Variants in TMEM178B observed in about 807,000 individuals in gnomAD.
The protein encoded by TMEM178B is transmembrane protein 178B.
TMEM178B carries 5 observed loss-of-function variants against 31.0 expected under a neutral mutation model. That is an observed-to-expected ratio of 0.16 (90% confidence interval 0.08 to 0.34). The LOEUF (loss-of-function observed/expected upper bound fraction) is 0.34, where lower values mean the gene tolerates loss of function less well. Among genes scored for constraint, TMEM178B ranks in the 10% least tolerant of loss-of-function variants. TMEM178B has a pLI of 1.00. For missense variants in TMEM178B, 275 were observed against 400.3 expected (o/e 0.69, Z 2.67); for synonymous variants, 164 against 164.0 (o/e 1.00, Z 0.00).
chr7:141,287,421 T>A (rs1282762146), intron 2 of TMEM178B, among the ~76,000 whole-genome samples: 1 of 152,200 alleles, frequency 6.6e-6, no homozygotes. Context: ...GTCCCTTTAA[T>A]CAACCCTCAA....
chr7:141,267,408 A>C (rs559164080), intron 2 of TMEM178B, among the ~76,000 whole-genome samples: 5 of 152,312 alleles, frequency 3.3e-5, no homozygotes, highest in African/African-American at 1.2e-4. Flanking sequence ...AGGCCCAGCC[A>C]GTAGTGGGTT....
chr7:141,113,674 C>T (rs887942105), intron 1 of TMEM178B, among the ~76,000 whole-genome samples: 4 of 152,160 alleles, frequency 2.6e-5, no homozygotes, highest in African/African-American at 9.7e-5. Flanking sequence ...TGATGTCTAC[C>T]TTGCAGTGAG....
At chr7:141,078,326 T>TG in intron 1 of TMEM178B, among the ~76,000 whole-genome samples, 1 of 152,358 alleles carries the variant, frequency 6.6e-6, no homozygotes, top group South Asian at 2.1e-4. Context: ...GAACTTCAAC[T>TG]GATACTCTAA....
At chr7:141,327,365 G>A (rs1050623145) in intron 2 of TMEM178B, among the ~76,000 whole-genome samples, 2 of 152,158 alleles carry the variant, frequency 1.3e-5, no homozygotes, top group African/African-American at 4.8e-5. Context: ...TGAGCAGAAG[G>A]AACAGAGGGT....
At chr7:141,296,697 T>C (rs1798640521) in intron 2 of TMEM178B, among the ~76,000 whole-genome samples, 1 of 152,232 alleles carries the variant, frequency 6.6e-6, no homozygotes, top group Non-Finnish European at 1.5e-5. Flanking sequence ...AGATCCCATA[T>C]ACCCTTCACT....
In TMEM178B at chr7:141,448,596, T is replaced by G. The variant is rs576500204; in HGVS notation, c.634+10851T>G. 2.3e-4 allele frequency among the ~76,000 whole-genome samples: 35 copies of G among 152,286 alleles called. No homozygotes were observed. In the South Asian group the frequency reaches 7.1e-3, roughly 31 times the overall value. Reference sequence around the variant, plus strand: ...GAGATGGCTGTATAGGAAAGCCATGTTCCTGTAGACAGTAAGGTCAGGCTT... The same window carrying G: ...GAGATGGCTGTATAGGAAAGCCATGGTCCTGTAGACAGTAAGGTCAGGCTT... On this transcript the variant is annotated intron_variant, in intron 3 of 3. Coordinates refer to ENST00000565468, the MANE Select transcript of TMEM178B (RefSeq NM_001195278.2).
intron 2 of TMEM178B, among the ~76,000 whole-genome samples, chr7:141,372,194 A>G (rs552801938): frequency 6.6e-6 from 1 of 152,160 alleles, no homozygotes; most frequent in Admixed American, 6.5e-5. Flanking sequence ...CACATTGCTA[A>G]TCCAGCAGCC....
chr7:141,269,878 A>C (rs1798154420), intron 2 of TMEM178B, among the ~76,000 whole-genome samples: 1 of 152,200 alleles, frequency 6.6e-6, no homozygotes, highest in South Asian at 2.1e-4. Context: ...CAGCCTGGCC[A>C]ACATGGTGAA....
chr7:141,454,010 G>A (rs1358459188), intron 3 of TMEM178B, among the ~76,000 whole-genome samples: 1 of 151,436 alleles, frequency 6.6e-6, no homozygotes, highest in Non-Finnish European at 1.5e-5. Context: ...TGGGTAACAG[G>A]GAATGTCAAG....
chr7:141,113,644 G>T (rs1795270814), intron 1 of TMEM178B, among the ~76,000 whole-genome samples: 1 of 152,170 alleles, frequency 6.6e-6, no homozygotes, highest in Non-Finnish European at 1.5e-5. Context: ...CCGTGCATCT[G>T]TTTCTCTGGG....
intron 2 of TMEM178B, among the ~76,000 whole-genome samples, chr7:141,260,427 T>G (rs1234440772): frequency 1.3e-5 from 2 of 152,222 alleles, no homozygotes; most frequent in African/African-American, 4.8e-5. Flanking sequence ...TTTTGACCAT[T>G]TTTTCCCCCA....
chr7:141,271,333 T>C (rs1370435507), intron 2 of TMEM178B, among the ~76,000 whole-genome samples: 1 of 152,194 alleles, frequency 6.6e-6, no homozygotes, highest in Non-Finnish European at 1.5e-5. Flanking sequence ...GGGGAAGGAA[T>C]GAGGGGGCAA....
intron 1 of TMEM178B, among the ~76,000 whole-genome samples, chr7:141,200,927 T>G (rs1035486900): frequency 6.6e-6 from 1 of 152,158 alleles, no homozygotes; most frequent in Non-Finnish European, 1.5e-5. Context: ...AGCAATGGCT[T>G]GGCGAGGATG....
At chr7:141,105,270 G>T (rs551802520) in intron 1 of TMEM178B, among the ~76,000 whole-genome samples, 11 of 152,300 alleles carry the variant, frequency 7.2e-5, no homozygotes, top group East Asian at 5.8e-4. Flanking sequence ...GCACTTTGGA[G>T]GCCGAGGTGG....
intron 2 of TMEM178B, among the ~76,000 whole-genome samples, chr7:141,261,236 G>A (rs527621719): frequency 1.3e-5 from 2 of 152,134 alleles, no homozygotes; most frequent in African/African-American, 4.8e-5. Flanking sequence ...TGAGGAAGAG[G>A]GCAGTGCGCT....
chr7:141,510,615 G>T, the TMEM178B span, among the ~76,000 whole-genome samples: 1 of 146,484 alleles, frequency 6.8e-6, no homozygotes, highest in Non-Finnish European at 1.5e-5. Flanking sequence ...AACCCCAGAG[G>T]CGGAGGTTGC....
At chr7:141,455,317 G>A (rs1334637947) in intron 3 of TMEM178B, among the ~76,000 whole-genome samples, 1 of 152,170 alleles carries the variant, frequency 6.6e-6, no homozygotes, top group Non-Finnish European at 1.5e-5. Flanking sequence ...TGAGTCTGAA[G>A]GGCCCTCAGA....
Position 141,074,661 on chromosome 7 carries a change from C to T in TMEM178B, c.351C>T (p.Phe117=). ...GGAGGAAGTGCCACCGGCAGGGCTT[C>T]GACCCCGAGATCGCCGCCCTCATTC... ...GLWRKCHRQG[F]DPEIAALIRK... The change falls in exon 1 of 4, where the codon TTC becomes TTT. Residue 117 remains phenylalanine, a synonymous_variant. Coordinates refer to ENST00000565468, the MANE Select transcript of TMEM178B (RefSeq NM_001195278.2). The surrounding 1 kb of genome is among the most constrained non-coding windows in gnomAD (Gnocchi z 5.1). 6.6e-7 allele frequency: 1 copy of T among 1,520,128 alleles called. No homozygotes were observed. 94.2% of individuals were successfully genotyped at this position (1,520,128 alleles called of 1,614,324 possible).
At chr7:141,174,428 G>A (rs937387076) in intron 1 of TMEM178B, among the ~76,000 whole-genome samples, 4 of 152,116 alleles carry the variant, frequency 2.6e-5, no homozygotes, top group South Asian at 2.1e-4. Flanking sequence ...ACATAAGTGC[G>A]CATGTGTCTT....
Sources: gnomAD v4.1 joint callset for allele counts (sites outside exome capture counted in the v4.1 genomes callset) on GRCh38, gnomAD v4.1.1 for gene constraint, Gnocchi (gnomAD v3.1) non-coding constraint, MANE v1.5 for transcripts, NCBI Gene and HGNC (gene_info 2026-07-23, HGNC 2026-07-21) for gene names.